Variants in FZD4 observed in about 807,000 individuals in gnomAD.
The protein encoded by FZD4 is frizzled class receptor 4.
In FZD4, 16 loss-of-function variants were observed where a neutral mutation model predicts 37.3. The ratio of observed to expected loss-of-function variants is 0.43; its 90% CI spans 0.29 to 0.65. The LOEUF (loss-of-function observed/expected upper bound fraction) is 0.65. Among genes scored for constraint, FZD4 ranks in the 30% least tolerant of loss-of-function variants. The probability of loss-of-function intolerance (pLI) is 0.16; values close to 1 mark genes in which losing one functional copy is unlikely to be tolerated. For missense variants in FZD4, 599 were observed against 674.3 expected (o/e 0.89, Z 1.24); for synonymous variants, 246 against 254.8 (o/e 0.97, Z 0.33).
At chr11:86,954,066 C>G (rs965227997) in intron 1 of FZD4, 12 of 191,264 alleles carry the variant, frequency 6.3e-5, no homozygotes, top group Non-Finnish European at 1.9e-5. Flanking sequence ...TTTTATTATC[C>G]CAATAAATTT....
chr11:86,954,472 C>T (rs1338212798), intron 1 of FZD4: 1 of 985,138 alleles, frequency 1.0e-6, no homozygotes, highest in Non-Finnish European at 1.2e-6. Context: ...TGGCTCCCTC[C>T]CACTCGCCCA....
chr11:86,950,929 CT>C lies in FZD4; in HGVS notation c.*212del. 1 of 619,294 alleles carries C rather than the reference CT, an allele frequency of 1.6e-6. No homozygotes were observed. The highest frequency in any genetic ancestry group is 2.9e-6 in the Non-Finnish European group (1 of 350,784). The allele number at this position is 619,294 out of a possible 1,614,324, so 38.4% of individuals were successfully genotyped here. A position where few individuals can be genotyped will look rare whatever the true frequency, so the allele number is the denominator to read the frequency against. ...CACAGCTTTGAAAGCCTCTAACTGG[CT>C]TTTCCATTTTGGATCATTCCAAAGT... is the stretch of plus-strand genomic sequence containing the variant. On this transcript the variant is annotated 3_prime_UTR_variant, in exon 2 of 2. Coordinates refer to ENST00000531380, the MANE Select transcript of FZD4 (RefSeq NM_012193.4).
chr11:86,950,745 G>A lies in FZD4; in HGVS notation c.*397C>T, dbSNP rs573227026. 4.3e-4 allele frequency: 118 copies of A among 275,798 alleles called. No individual in the cohort carries two copies. Among genetic ancestry groups the A allele is most frequent in the Admixed American group, 3.3e-3 (68 of 20,688 alleles). 17.1% of individuals were successfully genotyped at this position (275,798 alleles called of 1,614,324 possible). A position where few individuals can be genotyped will look rare whatever the true frequency, so the allele number is the denominator to read the frequency against. On this transcript the variant is annotated 3_prime_UTR_variant, in exon 2 of 2. Transcript: ENST00000531380. ...CCCAGTTAGTATTTAAAATGGTAAA[G>A]GGTTAAAAAAGTTAATATTTCTCCC...
chr11:86,946,377 A>G lies in FZD4; in HGVS notation c.*4765T>C, dbSNP rs72963441. The stretch of plus-strand genomic sequence containing the variant: ...TTTAAAAGCTTTGAGGACATGGCTC[A>G]TATAGGACCCCAAAAAGGTCCTCTA... On this transcript the variant is annotated 3_prime_UTR_variant, in exon 2 of 2. Transcript: ENST00000531380. 5,596 of 152,318 alleles carry G rather than the reference A, an allele frequency of 0.037. 140 individuals carry two copies. Among genetic ancestry groups the G allele is most frequent in the Non-Finnish European group, 0.06 (4,055 of 68,042 alleles). 9.4% of individuals were successfully genotyped at this position (152,318 alleles called of 1,614,324 possible). A position where few individuals can be genotyped will look rare whatever the true frequency, so the allele number is the denominator to read the frequency against.
Position 86,951,556 on chromosome 11 carries a change from G to A in FZD4, c.1200C>T (p.Val400=), listed in dbSNP as rs144358659. ...CTGCAGCAATGAACAAAGTTCCAAT[G>A]ACCAAATAAGTAAAGAGGGGAGCCA... ...FVVAPLFTYL[V]IGTLFIAAGL... The change falls in exon 2 of 2, where the codon GTC becomes GTT. Residue 400 remains valine (V), a synonymous_variant. Transcript: ENST00000531380. 3 of 1,614,084 alleles carry A rather than the reference G, an allele frequency of 1.9e-6. No homozygotes were observed. The highest frequency in any genetic ancestry group is 2.2e-5 in the East Asian group (1 of 44,876).
chr11:86,953,647 G>A (rs1032062595), intron 1 of FZD4, among the ~76,000 whole-genome samples: 7 of 151,002 alleles, frequency 4.6e-5, no homozygotes, highest in African/African-American at 1.5e-4. Context: ...ACGGAGTTTC[G>A]CTCCTGTGGC....
Position 86,955,115 on chromosome 11 carries a change from G to A in FZD4, c.-30C>T, listed in dbSNP as rs1949325552. 6 of 1,442,392 alleles carry A rather than the reference G, an allele frequency of 4.2e-6. No homozygotes were observed. The highest frequency in any genetic ancestry group is 4.5e-6 in the Non-Finnish European group (5 of 1,102,230). 89.3% of individuals were successfully genotyped at this position (1,442,392 alleles called of 1,614,324 possible). A position where few individuals can be genotyped will look rare whatever the true frequency, so the allele number is the denominator to read the frequency against. On this transcript the variant is annotated 5_prime_UTR_variant, in exon 1 of 2. Transcript: ENST00000531380. ...AGCATCGGGGGTAGCAGCGGCAGCG[G>A]CTGGGGCTGCTCTGGCAGACACCCC...
rs1028644307 is a variant in FZD4, at chr11:86,950,385, T to C, written c.*757A>G. On this transcript the variant is annotated 3_prime_UTR_variant, in exon 2 of 2. Coordinates refer to ENST00000531380, the MANE Select transcript of FZD4 (RefSeq NM_012193.4). ...CTGCAGTACAAAAATTCTATAAAAA[T>C]ACCTTTTTTGAGTCATTAACATAAA... 1 of 152,638 alleles carries C rather than the reference T, an allele frequency of 6.6e-6. No homozygotes were observed. Among genetic ancestry groups the C allele is most frequent in the Non-Finnish European group, 1.5e-5 (1 of 68,060 alleles). 9.5% of individuals were successfully genotyped at this position (152,638 alleles called of 1,614,324 possible).
Position 86,947,247 on chromosome 11 carries a change from G to C in FZD4, c.*3895C>G, listed in dbSNP as rs958839229. 3 of 171,340 alleles carry C rather than the reference G, an allele frequency of 1.8e-5. No homozygotes were observed. The highest frequency in any genetic ancestry group is 7.2e-5 in the African/African-American group (3 of 41,678). 10.6% of individuals were successfully genotyped at this position (171,340 alleles called of 1,614,324 possible). ...CAAACAAACAAACAACAAAAAAAAGGTTCCTTCCAAAGTCTGTGCTCAATG... is the reference window on the plus strand; with the variant it reads ...CAAACAAACAAACAACAAAAAAAAGCTTCCTTCCAAAGTCTGTGCTCAATG... On this transcript the variant is annotated 3_prime_UTR_variant, in exon 2 of 2. Transcript: ENST00000531380.
Position 86,952,096 on chromosome 11 carries a change from A to G in FZD4, c.660T>C (p.Asp220=). 1 of 1,614,124 alleles carries G rather than the reference A, an allele frequency of 6.2e-7. No homozygotes were observed. Among genetic ancestry groups the G allele is most frequent in the Admixed American group, 1.7e-5 (1 of 60,020 alleles). ...GGCTGGCCCACACAGCCATCCAGAT[A>G]TCAGTGAACTCCTTGGCTGAGCGGC... ...LYSRSAKEFT[D]IWMAVWASLC... Residue 220 remains aspartate (D), a synonymous_variant, in exon 2 of 2, where the codon GAT becomes GAC. Transcript: ENST00000531380.
Position 86,951,313 on chromosome 11 carries a change from A to C in FZD4, c.1443T>G (p.Ile481Met), listed in dbSNP as rs1949289424. 3 of 1,614,152 alleles carry C rather than the reference A, an allele frequency of 1.9e-6. No individual in the cohort carries two copies. The highest frequency in any genetic ancestry group is 2.5e-6 in the Non-Finnish European group (3 of 1,180,008). Residue 481 changes from isoleucine to methionine, a missense_variant, in exon 2 of 2, where the codon ATT becomes ATG. Ile to Met is a conservative substitution (Grantham distance 10). This residue lies in a region of FZD4 where 203 missense variants were observed against 196.8 expected (regional missense o/e 1.03). Transcript: ENST00000531380. ...DSNMAVEMLK[I>M]FMSLLVGITS... The stretch of plus-strand genomic sequence containing the variant: ...TGATGCCCACCAACAAAGACATAAA[A>C]ATTTTCAACATTTCAACAGCCATGT...
At chr11:86,954,165 A>G in intron 1 of FZD4, 1 of 842,168 alleles carries the variant, frequency 1.2e-6, no homozygotes, top group Non-Finnish European at 1.4e-6. Flanking sequence ...TATGCTTTAC[A>G]TTTTTTAATG....
Position 86,951,601 on chromosome 11 carries a change from A to C in FZD4, c.1155T>G (p.Asp385Glu), listed in dbSNP as rs1464837675. Residue 385 changes from aspartate (D) to glutamate (E), a missense_variant, in exon 2 of 2, where the codon GAT (aspartate) becomes GAG (glutamate). This residue lies in a region of FZD4 where 203 missense variants were observed against 196.8 expected (regional missense o/e 1.03). Coordinates refer to ENST00000531380, the MANE Select transcript of FZD4 (RefSeq NM_012193.4). Reference protein sequence around the residue: ...GLCYVGNQNLDALTGFVVAPL... With the variant: ...GLCYVGNQNLEALTGFVVAPL... ...GAGCCACCACGAACCCGGTGAGGGC[A>C]TCGAGATTTTGGTTTCCAACATAGC... The C allele has an allele frequency of 6.2e-7, 1 of 1,614,178 alleles. No individual in the cohort carries two copies. Among genetic ancestry groups the C allele is most frequent in the Admixed American group, 1.7e-5 (1 of 60,030 alleles).
rs985093081 is a variant in FZD4 at position 86,946,324 on chromosome 11, T to C, written c.*4818A>G. ...GCCTTCTAGGATGACAGTGGTCATG[T>C]ACTGAATATTGTAGGAGAGCAAGGA... On this transcript the variant is annotated 3_prime_UTR_variant, in exon 2 of 2. Coordinates refer to ENST00000531380, the MANE Select transcript of FZD4 (RefSeq NM_012193.4). The C allele has an allele frequency of 6.6e-6, 1 of 152,200 alleles. No homozygotes were observed. Among genetic ancestry groups the C allele is most frequent in the Non-Finnish European group, 1.5e-5 (1 of 68,068 alleles). The allele number at this position is 152,200 out of a possible 1,614,324, so 9.4% of individuals were successfully genotyped here. A position where few individuals can be genotyped will look rare whatever the true frequency, so the allele number is the denominator to read the frequency against.
chr11:86,953,973 C>T (rs2135044153), intron 1 of FZD4, among the ~76,000 whole-genome samples: 1 of 152,190 alleles, frequency 6.6e-6, no homozygotes, highest in South Asian at 2.1e-4. Flanking sequence ...CAACTTCTCT[C>T]TTTTCTAAAT....
At chr11:86,954,733 T>A in intron 1 of FZD4, 68 bp downstream of exon 1, 1 of 1,526,390 alleles carries the variant, frequency 6.6e-7, no homozygotes, top group Non-Finnish European at 8.8e-7. Context: ...TGGCATGGGC[T>A]CTGCAAAGTT....
chr11:86,955,229 C>T lies in FZD4; in HGVS notation c.-144G>A. Reference sequence around the variant, plus strand: ...GGCGACGAGGGGGCAGCGGCCGGCTCTCCAGCAGCTGCGCGCGACTGTGTG... The same window carrying T: ...GGCGACGAGGGGGCAGCGGCCGGCTTTCCAGCAGCTGCGCGCGACTGTGTG... On this transcript the variant is annotated 5_prime_UTR_variant, in exon 1 of 2. Coordinates refer to ENST00000531380, the MANE Select transcript of FZD4 (RefSeq NM_012193.4). The T allele has an allele frequency of 3.4e-6, 2 of 590,604 alleles. No individual in the cohort carries two copies. The highest frequency in any genetic ancestry group is 2.8e-5 in the South Asian group (1 of 35,164). The allele number at this position is 590,604 out of a possible 1,614,324, so 36.6% of individuals were successfully genotyped here. A position where few individuals can be genotyped will look rare whatever the true frequency, so the allele number is the denominator to read the frequency against.
At position 86,955,125 on chromosome 11, in the gene FZD4, C is replaced by T. The variant is rs893099107; in HGVS notation, c.-40G>A. 14 of 1,412,350 alleles carry T rather than the reference C, an allele frequency of 9.9e-6. No individual in the cohort carries two copies. The African/African-American group carries it at 1.5e-4, about 15-fold the overall frequency. The allele number at this position is 1,412,350 out of a possible 1,614,324, so 87.5% of individuals were successfully genotyped here. ...GTAGCAGCGGCAGCGGCTGGGGCTGCTCTGGCAGACACCCCCAGTTTGCAC... is the reference window on the plus strand; with the variant it reads ...GTAGCAGCGGCAGCGGCTGGGGCTGTTCTGGCAGACACCCCCAGTTTGCAC... On this transcript the variant is annotated 5_prime_UTR_variant, in exon 1 of 2. Transcript: ENST00000531380.
rs1039377267 is a variant in FZD4, at chr11:86,954,638, G to A, written c.285+163C>T. ...GGCCAGATGACTTACACAACGTTTT[G>A]GCTTCCAGTCCCTGAGAAAGTGGGG... On this transcript the variant is annotated intron_variant, in intron 1 of 1. Coordinates refer to ENST00000531380, the MANE Select transcript of FZD4 (RefSeq NM_012193.4). 3.0e-6 allele frequency: 3 copies of A among 985,210 alleles called. No homozygotes were observed. The African/African-American group carries it at 5.2e-5, about 17-fold the overall frequency. 61.0% of individuals were successfully genotyped at this position (985,210 alleles called of 1,614,324 possible).
Sources: gnomAD v4.1 joint callset for allele counts (sites outside exome capture counted in the v4.1 genomes callset) on GRCh38, gnomAD v4.1.1 for gene constraint, gnomAD v4.1.1 regional missense constraint, MANE v1.5 for transcripts, NCBI Gene and HGNC (gene_info 2026-07-23, HGNC 2026-07-21) for gene names.